SORCS1: variants seen among roughly 807,000 people sequenced by gnomAD.
The protein encoded by SORCS1 is VPS10 domain-containing receptor SorCS1.
A neutral mutation model predicts 146.1 loss-of-function variants in SORCS1; 60 were observed. The observed-to-expected ratio is 0.41, with a 90% CI of 0.33 to 0.51. SORCS1 has a LOEUF of 0.51. SORCS1 is among the 20% of genes least tolerant of loss of function. SORCS1 has a pLI of 0.21. For missense variants in SORCS1, 1,352 were observed against 1,487.6 expected (o/e 0.91, Z 1.50); for synonymous variants, 637 against 584.0 (o/e 1.09, Z -1.31).
intron 3 of SORCS1, among the ~76,000 whole-genome samples, chr10:106,822,409 G>A (rs994002242): frequency 6.6e-6 from 1 of 152,096 alleles, no homozygotes; most frequent in Non-Finnish European, 1.5e-5. Context: ...GAGTGACAAG[G>A]GGTTGTGGAG....
the SORCS1 span, among the ~76,000 whole-genome samples, chr10:107,170,007 T>A: frequency 6.6e-6 from 1 of 152,208 alleles, no homozygotes; most frequent in African/African-American, 2.4e-5. Flanking sequence ...ATTTTAATAT[T>A]CATACTTAAA....
chr10:106,989,275 A>T (rs1304033358), intron 1 of SORCS1, among the ~76,000 whole-genome samples: 1 of 78,574 alleles, frequency 1.3e-5, no homozygotes, highest in African/African-American at 4.2e-5. Flanking sequence ...ACCTCAGAAA[A>T]AAAAAAAAAA....
chr10:106,818,798 A>T (rs190231116), intron 3 of SORCS1, among the ~76,000 whole-genome samples: 3 of 152,356 alleles, frequency 2.0e-5, no homozygotes, highest in Admixed American at 2.0e-4. Context: ...TTCTCATAGT[A>T]CATACACCGA....
chr10:106,944,839 G>A (rs1457231017), intron 2 of SORCS1, among the ~76,000 whole-genome samples: 2 of 13,110 alleles, frequency 1.5e-4, no homozygotes, highest in Admixed American at 1.5e-3. Context: ...AAGAAACAAA[G>A]AGAGCTATGG....
intron 18 of SORCS1, among the ~76,000 whole-genome samples, chr10:106,634,013 T>C (rs779942252): frequency 7.9e-5 from 12 of 152,224 alleles, no homozygotes; most frequent in Non-Finnish European, 1.5e-4. Flanking sequence ...AAGCAGATGC[T>C]ATTCTTATCT....
intron 5 of SORCS1, among the ~76,000 whole-genome samples, chr10:106,741,958 C>T (rs1029427973): frequency 4.1e-4 from 63 of 152,164 alleles, no homozygotes; most frequent in African/African-American, 1.5e-3. Context: ...TTCCATACTT[C>T]GTCAGATTAT....
At chr10:106,967,617 G>A (rs1487675406) in intron 1 of SORCS1, among the ~76,000 whole-genome samples, 1 of 152,198 alleles carries the variant, frequency 6.6e-6, no homozygotes, top group African/African-American at 2.4e-5. Context: ...TGGCAACTTA[G>A]CATGGTTGTC....
chr10:106,730,745 C>T (rs1856536525), intron 5 of SORCS1, among the ~76,000 whole-genome samples: 1 of 152,048 alleles, frequency 6.6e-6, no homozygotes, highest in African/African-American at 2.4e-5. Context: ...TTGTGTAATC[C>T]TGCAGTAAGC....
intron 5 of SORCS1, among the ~76,000 whole-genome samples, chr10:106,739,939 A>G (rs1396486562): frequency 1.3e-5 from 2 of 148,748 alleles, no homozygotes; most frequent in Non-Finnish European, 3.0e-5. Flanking sequence ...CGACAGAGTG[A>G]GACTCTGTCT....
chr10:106,787,661 G>A (rs372040639), intron 3 of SORCS1, among the ~76,000 whole-genome samples: 1 of 152,116 alleles, frequency 6.6e-6, no homozygotes, highest in Non-Finnish European at 1.5e-5. Flanking sequence ...TATGCAAAGG[G>A]AACAAAAATG....
intron 1 of SORCS1, among the ~76,000 whole-genome samples, chr10:107,119,772 TTTTC>T (rs1297829727): frequency 6.6e-6 from 1 of 152,146 alleles, no homozygotes; most frequent in African/African-American, 2.4e-5. Context: ...ATTTTTCATA[TTTTC>T]TGAGGACTAA....
At chr10:107,091,993 G>A (rs1964217348) in intron 1 of SORCS1, among the ~76,000 whole-genome samples, 1 of 152,122 alleles carries the variant, frequency 6.6e-6, no homozygotes, top group South Asian at 2.1e-4. Flanking sequence ...GTACCTACAG[G>A]ACCAAAACAG....
At chr10:107,136,978 C>T (rs1455889402) in intron 1 of SORCS1, among the ~76,000 whole-genome samples, 1 of 152,168 alleles carries the variant, frequency 6.6e-6, no homozygotes, top group African/African-American at 2.4e-5. Context: ...ACAGTCTAGC[C>T]CCTACTCTAG....
intron 2 of SORCS1, among the ~76,000 whole-genome samples, chr10:106,872,012 A>G (rs1393847748): frequency 6.6e-6 from 1 of 152,250 alleles, no homozygotes; most frequent in Non-Finnish European, 1.5e-5. Flanking sequence ...TGTCAATGAA[A>G]CAAATAAAGA....
At chr10:107,045,162 C>T (rs916440043) in intron 1 of SORCS1, among the ~76,000 whole-genome samples, 7 of 152,094 alleles carry the variant, frequency 4.6e-5, no homozygotes, top group African/African-American at 9.7e-5. Context: ...TAAAGGGGAG[C>T]GATCCAATCA....
rs79613904 is a variant in SORCS1, at chr10:106,681,749, C to T, written c.1561-2015G>A. ...GAGCACCCAACTTTCAATCTTAAGC[C>T]AGTTGCTTGCCACTGCTGGAAGATT... On this transcript the variant is annotated intron_variant, in intron 10 of 25. Transcript: ENST00000263054. 1.9e-3 allele frequency among the ~76,000 whole-genome samples: 286 copies of T among 152,300 alleles called. 2 individuals are homozygous for T. The highest frequency in any genetic ancestry group is 6.7e-3 in the African/African-American group (277 of 41,572).
At chr10:106,921,043 T>C (rs1952685989) in intron 2 of SORCS1, among the ~76,000 whole-genome samples, 2 of 152,176 alleles carry the variant, frequency 1.3e-5, no homozygotes, top group South Asian at 2.1e-4. Flanking sequence ...CTCTAGCTCA[T>C]CGTCTTGCAG....
chr10:106,823,010 C>T (rs1236627757), intron 3 of SORCS1, among the ~76,000 whole-genome samples: 5 of 151,974 alleles, frequency 3.3e-5, no homozygotes, highest in East Asian at 1.9e-4. Flanking sequence ...CTCAAACTCC[C>T]GACCTCAGGT....
At position 106,991,478 on chromosome 10, in the gene SORCS1, C is replaced by T. The variant is rs1034686555; in HGVS notation, c.559-34898G>A. Among the ~76,000 whole-genome samples the T allele has an allele frequency of 2.0e-5, 3 of 152,176 alleles. 1 individual carries two copies. The South Asian group carries it at 6.2e-4, about 32-fold the overall frequency. On this transcript the variant is annotated intron_variant, in intron 1 of 25. Coordinates refer to ENST00000263054, the MANE Select transcript of SORCS1 (RefSeq NM_052918.5). Reference sequence around the variant, plus strand: ...GCCCACAGATCTCAATTATAGTGGGCAATTCTTACTTGAAAACTGATTTTC... The same window carrying T: ...GCCCACAGATCTCAATTATAGTGGGTAATTCTTACTTGAAAACTGATTTTC...
Sources: allele counts gnomAD v4.1 joint callset (sites outside exome capture counted in the v4.1 genomes callset), GRCh38; gene constraint gnomAD v4.1.1; transcripts MANE v1.5; gene names NCBI Gene and HGNC (gene_info 2026-07-23, HGNC 2026-07-21).